Variants in PHF20 observed in about 807,000 individuals in gnomAD.
PHF20 encodes PHD finger protein 20.
In PHF20, 23 loss-of-function variants were observed where a neutral mutation model predicts 113.5. The observed-to-expected ratio is 0.20, with a 90% confidence interval of 0.15 to 0.29. PHF20 has a LOEUF of 0.29. Among genes scored for constraint, PHF20 ranks in the 10% least tolerant of loss-of-function variants. The pLI, the probability that PHF20 is intolerant of heterozygous loss-of-function variation, is 1.00. For synonymous variants in PHF20, 434 were observed against 457.3 expected, an observed-to-expected ratio of 0.95 and a Z score of 0.65; for missense variants, 943 against 1,219.6, an observed-to-expected ratio of 0.77 and a Z score of 3.38.
At position 35,855,357 on chromosome 20, in the gene PHF20, T is replaced by C. The variant is rs1240885863; in HGVS notation, c.341-2945T>C. The C allele has an allele frequency of 1.1e-5, 8 of 719,362 alleles. No individual in the cohort carries two copies. The East Asian group carries it at 3.3e-4, about 29-fold the overall frequency. The allele number at this position is 719,362 out of a possible 1,614,324, so 44.6% of individuals were successfully genotyped here. A position where few individuals can be genotyped will look rare whatever the true frequency, so the allele number is the denominator to read the frequency against. On this transcript the variant is annotated intron_variant, in intron 4 of 17. Transcript: ENST00000374012. Reference sequence around the variant, plus strand: ...AATTGTTTATGCTCTTATCCTTTTATGTTCTTATCCTTTTATCATAGCCTG... The same window carrying C: ...AATTGTTTATGCTCTTATCCTTTTACGTTCTTATCCTTTTATCATAGCCTG...
chr20:35,906,188 T>A (rs2055197332), intron 10 of PHF20, among the ~76,000 whole-genome samples: 1 of 152,140 alleles, frequency 6.6e-6, no homozygotes. Flanking sequence ...GGCACTGGAG[T>A]GGGCACCTCT....
chr20:35,918,082 A>G (rs1003544650), intron 13 of PHF20, among the ~76,000 whole-genome samples: 1 of 151,918 alleles, frequency 6.6e-6, no homozygotes, highest in African/African-American at 2.4e-5. Flanking sequence ...TATAACTTCT[A>G]TGTTTCTTTT....
chr20:35,818,407 T>C (rs914276444), intron 2 of PHF20, among the ~76,000 whole-genome samples: 4 of 152,004 alleles, frequency 2.6e-5, no homozygotes, highest in Non-Finnish European at 4.4e-5. Flanking sequence ...ACTACAGGCA[T>C]GTGCCGCCAC....
intron 4 of PHF20, chr20:35,856,433 T>G (rs2042829076): frequency 6.6e-6 from 1 of 152,132 alleles, no homozygotes; most frequent in Non-Finnish European, 1.5e-5. Context: ...GTATCTGAGG[T>G]GGGACTGGTA....
intron 13 of PHF20, among the ~76,000 whole-genome samples, chr20:35,918,793 A>G (rs368956742): frequency 2.6e-5 from 4 of 152,318 alleles, no homozygotes; most frequent in African/African-American, 9.6e-5. Flanking sequence ...GATTATCGAC[A>G]GGGGCAAAAA....
At chr20:35,861,685 A>G (rs964288553) in intron 5 of PHF20, among the ~76,000 whole-genome samples, 1 of 152,060 alleles carries the variant, frequency 6.6e-6, no homozygotes, top group African/African-American at 2.4e-5. Flanking sequence ...TCAAATTGCC[A>G]TCTCCTCCCT....
chr20:35,789,438 A>AC (rs200317947), intron 1 of PHF20, among the ~76,000 whole-genome samples: 2,285 of 151,976 alleles, frequency 0.015, 36 homozygotes, highest in Non-Finnish European at 0.024. Context: ...CAAAAAAAAA[A>AC]AAAAAACAAA....
intron 9 of PHF20, among the ~76,000 whole-genome samples, chr20:35,876,979 C>T (rs965352481): frequency 1.3e-5 from 2 of 151,580 alleles, no homozygotes; most frequent in Non-Finnish European, 2.9e-5. Context: ...TGGTGGCTGG[C>T]GCCTGTAGTC....
chr20:35,903,702 T>G (rs1246502466), intron 10 of PHF20, among the ~76,000 whole-genome samples: 2 of 152,162 alleles, frequency 1.3e-5, no homozygotes, highest in Non-Finnish European at 2.9e-5. Context: ...GATGGAAAAT[T>G]GAAAGCCTGG....
chr20:35,794,311 A>C (rs2041624488), intron 1 of PHF20, among the ~76,000 whole-genome samples: 1 of 151,854 alleles, frequency 6.6e-6, no homozygotes, highest in Non-Finnish European at 1.5e-5. Flanking sequence ...AAAAAAAAAA[A>C]AAAAAGAAAA....
At chr20:35,786,088 G>C (rs1186150740) in intron 1 of PHF20, among the ~76,000 whole-genome samples, 1 of 149,038 alleles carries the variant, frequency 6.7e-6, no homozygotes, top group Non-Finnish European at 1.5e-5. Flanking sequence ...GGTCAGGTGT[G>C]TTTAAAAAAA....
At chr20:35,836,410 A>G (rs1186612847) in intron 2 of PHF20, among the ~76,000 whole-genome samples, 1 of 152,142 alleles carries the variant, frequency 6.6e-6, no homozygotes, top group African/African-American at 2.4e-5. Flanking sequence ...TGTGTCATGG[A>G]AGTCTTTCTG....
chr20:35,837,768 A>G (rs1257610056), intron 2 of PHF20, among the ~76,000 whole-genome samples: 3 of 152,234 alleles, frequency 2.0e-5, no homozygotes, highest in Non-Finnish European at 4.4e-5. Context: ...AAAGCACTTA[A>G]TAAATTCCTG....
chr20:35,857,562 C>CTTTTTTTTT (rs56655276), intron 4 of PHF20, among the ~76,000 whole-genome samples: 12 of 99,678 alleles, frequency 1.2e-4, no homozygotes, highest in Non-Finnish European at 1.7e-4. Context: ...AATGATGTTC[C>CTTTTTTTTT]TTTTTTTTTT....
At chr20:35,874,716 TCTA>T (rs1297607661) in intron 9 of PHF20, among the ~76,000 whole-genome samples, 2 of 152,168 alleles carry the variant, frequency 1.3e-5, no homozygotes, top group African/African-American at 4.8e-5. Flanking sequence ...TATAGAATTG[TCTA>T]CTTTTTATTT....
intron 2 of PHF20, among the ~76,000 whole-genome samples, chr20:35,809,446 G>A (rs781324314): frequency 3.3e-5 from 5 of 151,856 alleles, no homozygotes; most frequent in African/African-American, 7.3e-5. Flanking sequence ...AGACATGGTG[G>A]TGTGCGCCTG....
intron 1 of PHF20, among the ~76,000 whole-genome samples, chr20:35,779,872 G>A (rs1350121623): frequency 2.0e-5 from 3 of 152,106 alleles, no homozygotes; most frequent in African/African-American, 7.2e-5. Flanking sequence ...TCGAGGTTGT[G>A]GAAACTTGGT....
chr20:35,780,916 C>G (rs567839891), intron 1 of PHF20, among the ~76,000 whole-genome samples: 1 of 116,982 alleles, frequency 8.5e-6, no homozygotes, highest in Admixed American at 9.0e-5. Flanking sequence ...TGCAATGGCA[C>G]GATCTTGGCT....
chr20:35,899,669 T>C, intron 10 of PHF20, 21 bp downstream of exon 10: 1 of 1,611,828 alleles, frequency 6.2e-7, no homozygotes, highest in Non-Finnish European at 8.5e-7. Flanking sequence ...TCATTCTTCA[T>C]TGTGTCATGG....
Sources: allele counts gnomAD v4.1 joint callset (sites outside exome capture counted in the v4.1 genomes callset), GRCh38; gene constraint gnomAD v4.1.1; transcripts MANE v1.5; gene names NCBI Gene and HGNC (gene_info 2026-07-23, HGNC 2026-07-21).